The following FRMPD4 variants were observed in gnomAD, a reference collection of about 807,000 sequenced individuals.
FRMPD4 encodes the protein FERM and PDZ domain containing 4.
In FRMPD4, 22 loss-of-function variants were observed where a neutral mutation model predicts 94.1. The observed-to-expected ratio is 0.23, with a 90% CI of 0.17 to 0.33. The LOEUF (loss-of-function observed/expected upper bound fraction) is 0.33, where lower values mean the gene tolerates loss of function less well. Ranked by LOEUF, FRMPD4 falls within the 10% of genes least tolerant of loss-of-function variation. The pLI is 1.00. For missense variants in FRMPD4, 1,111 were observed against 1,339.9 expected, an observed-to-expected ratio of 0.83 and a Z score of 2.67; for synonymous variants, 631 against 548.6, an observed-to-expected ratio of 1.15 and a Z score of -2.10.
intron 4 of FRMPD4, among the ~76,000 whole-genome samples, chrX:12,669,737 A>T (rs182948885): frequency 8.9e-6 from 1 of 111,818 alleles, no homozygotes; most frequent in Non-Finnish European, 1.9e-5. Context: ...TTTGAAGATG[A>T]TACTGCTGGT....
At chrX:12,607,058 G>A (rs770158472) in intron 2 of FRMPD4, among the ~76,000 whole-genome samples, 2 of 111,304 alleles carry the variant, frequency 1.8e-5, no homozygotes, top group East Asian at 5.7e-4. Context: ...TAGTGTCCTG[G>A]GTTCCAGCCC....
chrX:11,975,296 T>C (rs762798164), intron 3 of FRMPD4, among the ~76,000 whole-genome samples: 2 of 112,626 alleles, frequency 1.8e-5, no homozygotes, highest in South Asian at 3.7e-4. Context: ...GAATAAAGCA[T>C]GCTATCAGGA....
chrX:12,349,835 C>T (rs1288334014), intron 1 of FRMPD4, among the ~76,000 whole-genome samples: 3 of 111,119 alleles, frequency 2.7e-5, no homozygotes, highest in East Asian at 2.8e-4. Context: ...TGGATTTCCT[C>T]GTATTTCATA....
chrX:12,613,764 T>C (rs925971078), intron 3 of FRMPD4, among the ~76,000 whole-genome samples: 11 of 111,628 alleles, frequency 9.9e-5, no homozygotes, highest in African/African-American at 3.6e-4. Context: ...GATCACGAGG[T>C]CAGGAGATCG....
At chrX:11,899,098 T>G (rs759110245) in intron 3 of FRMPD4, among the ~76,000 whole-genome samples, 1 of 112,056 alleles carries the variant, frequency 8.9e-6, no homozygotes, top group South Asian at 3.8e-4. Flanking sequence ...ATACAGAAAG[T>G]CTGAACTATA....
intron 2 of FRMPD4, among the ~76,000 whole-genome samples, chrX:12,546,177 C>CTTTTTTTTTTTT (rs11321204): frequency 1.1e-5 from 1 of 91,941 alleles, no homozygotes. Context: ...TGCCAACTGT[C>CTTTTTTTTTTTT]TTTTTTTTTT....
chrX:12,346,476 A>T (rs5978523), intron 1 of FRMPD4, among the ~76,000 whole-genome samples: 34,751 of 110,317 alleles, frequency 0.32, 5,758 homozygotes, highest in African/African-American at 0.64. Flanking sequence ...CTTATATAAT[A>T]TCTTGGCTTA....
At chrX:12,683,634 G>T in intron 6 of FRMPD4, 47 bp downstream of exon 6, 2 of 658,792 alleles carry the variant, frequency 3.0e-6, no homozygotes, top group Non-Finnish European at 4.9e-6. Context: ...AGTCAATGAG[G>T]CAGAAGCTTT....
At chrX:11,845,648 G>C (rs1344503876) in intron 1 of FRMPD4, among the ~76,000 whole-genome samples, 3 of 109,346 alleles carry the variant, frequency 2.7e-5, no homozygotes, top group African/African-American at 1.0e-4. Context: ...CTGGCAAACC[G>C]AATCCAGCAG....
chrX:12,647,799 T>TTTA (rs778550663), intron 4 of FRMPD4, among the ~76,000 whole-genome samples: 20 of 111,774 alleles, frequency 1.8e-4, no homozygotes, highest in African/African-American at 6.2e-4. Flanking sequence ...TCATGATTAA[T>TTTA]TTATAAGTCA....
At chrX:12,529,300 T>C (rs2058260565) in intron 2 of FRMPD4, among the ~76,000 whole-genome samples, 1 of 113,026 alleles carries the variant, frequency 8.8e-6, no homozygotes, top group Non-Finnish European at 1.9e-5. Flanking sequence ...CATAACTGTT[T>C]ACTTCATCAA....
intron 11 of FRMPD4, among the ~76,000 whole-genome samples, chrX:12,705,531 AT>A (rs60352293): frequency 0.042 from 4,436 of 106,015 alleles, 112 homozygotes; most frequent in Non-Finnish European, 0.065. Flanking sequence ...CCCCACGACA[AT>A]TTTTTTTTTT....
At position 12,463,681 on chromosome X, in the gene FRMPD4, G is replaced by GTTTTTTTTT. The variant is rs764684007; in HGVS notation, c.42-34997_42-34989dup. ...GGGTGCCTGTGCCTCCTATGTGTGT[G>GTTTTTTTTT]TTTTTTTTTTGTTTTTGTTTTTTTT... On this transcript the variant is annotated intron_variant, in intron 1 of 16. Coordinates refer to ENST00000675598, the MANE Select transcript of FRMPD4 (RefSeq NM_001368397.1). Among the ~76,000 whole-genome samples the GTTTTTTTTT allele has an allele frequency of 2.4e-3, 121 of 51,027 alleles. 23 individuals are homozygous for GTTTTTTTTT. The highest frequency in any genetic ancestry group is 0.017 in the Middle Eastern group (1 of 60). 44.3% of individuals were successfully genotyped at this position (51,027 alleles called of 115,157 possible).
chrX:12,234,824 GA>G (rs1421859333), intron 1 of FRMPD4, among the ~76,000 whole-genome samples: 1 of 112,055 alleles, frequency 8.9e-6, no homozygotes, highest in Non-Finnish European at 1.9e-5. Flanking sequence ...ACTTGTGAAG[GA>G]TTGGACACTG....
chrX:11,828,918 G>A (rs1260505730), intron 1 of FRMPD4, among the ~76,000 whole-genome samples: 2 of 112,272 alleles, frequency 1.8e-5, no homozygotes, highest in African/African-American at 3.2e-5. Flanking sequence ...TGGAAATGTC[G>A]ATGGTGCAGA....
intron 1 of FRMPD4, among the ~76,000 whole-genome samples, chrX:12,176,850 C>T (rs1426521402): frequency 8.9e-6 from 1 of 111,784 alleles, no homozygotes; most frequent in African/African-American, 3.2e-5. Context: ...GTTTCTTTTG[C>T]CTGGCCTGCC....
intron 2 of FRMPD4, among the ~76,000 whole-genome samples, chrX:12,603,465 A>G (rs991268069): frequency 1.8e-5 from 2 of 112,368 alleles, no homozygotes; most frequent in African/African-American, 6.5e-5. Flanking sequence ...GAAGGGCTCC[A>G]AGAGTTCAAG....
chrX:12,459,897 A>ACTT (rs1315154603), intron 1 of FRMPD4, among the ~76,000 whole-genome samples: 2 of 111,595 alleles, frequency 1.8e-5, no homozygotes, highest in Non-Finnish European at 3.8e-5. Context: ...TGACTGTACC[A>ACTT]CTTCTATCCC....
intron 1 of FRMPD4, among the ~76,000 whole-genome samples, chrX:11,849,190 T>G (rs2053604814): frequency 9.0e-6 from 1 of 111,429 alleles, no homozygotes; most frequent in Non-Finnish European, 1.9e-5. Flanking sequence ...ATTTAGAAAA[T>G]AATTTCATTT....
Sources: allele counts gnomAD v4.1 joint callset (sites outside exome capture counted in the v4.1 genomes callset), GRCh38; gene constraint gnomAD v4.1.1; transcripts MANE v1.5; gene names NCBI Gene and HGNC (gene_info 2026-07-23, HGNC 2026-07-21).